Variants in NBAS observed in about 807,000 individuals in gnomAD.
The protein encoded by NBAS is NAG/BC035112 fusion.
Under a neutral mutation model 302.5 loss-of-function variants are expected in NBAS, and 219 were observed. The ratio of observed to expected loss-of-function variants is 0.72; its 90% confidence interval spans 0.65 to 0.81. The LOEUF (loss-of-function observed/expected upper bound fraction) is 0.81, where lower values mean the gene tolerates loss of function less well. Among genes scored for constraint, NBAS ranks in the 30% least tolerant of loss-of-function variants. The pLI is 0.00. For synonymous variants in NBAS, 1,118 were observed against 1,021.6 expected (o/e 1.09, Z -1.80); for missense variants, 2,932 against 2,841.6 (o/e 1.03, Z -0.72).
chr2:15,474,308 G>T lies in NBAS; in HGVS notation c.1358C>A (p.Ala453Asp). ...FLSLECEIKLAPKRSRLETRA... is the reference protein window; with the variant it reads ...FLSLECEIKLDPKRSRLETRA... ...AGTCTCCAAACGAGATCGTTTGGGG[G>T]CAAGTTTAATCTCACACTAAATTGA... Residue 453 changes from alanine to aspartate, a missense_variant, in exon 15 of 52, where the codon GCC becomes GAC. By Grantham distance (126) the Ala-to-Asp change is moderately radical. Coordinates refer to ENST00000281513, the MANE Select transcript of NBAS (RefSeq NM_015909.4). 6.2e-7 allele frequency: 1 copy of T among 1,612,868 alleles called. No homozygotes were observed. Among genetic ancestry groups the T allele is most frequent in the Non-Finnish European group, 8.5e-7 (1 of 1,179,302 alleles).
chr2:15,241,532 G>C (rs563562347), intron 44 of NBAS, among the ~76,000 whole-genome samples: 1 of 152,272 alleles, frequency 6.6e-6, no homozygotes, highest in East Asian at 1.9e-4. Flanking sequence ...TTTACTACTG[G>C]TGTGACTTTA....
chr2:14,854,076 AAAT>A, the NBAS span, among the ~76,000 whole-genome samples: 9 of 148,190 alleles, frequency 6.1e-5, no homozygotes, highest in South Asian at 1.1e-3. Flanking sequence ...GTATAATAAA[AAAT>A]AATAATAATA....
chr2:15,052,584 A>G, the NBAS span, among the ~76,000 whole-genome samples: 1 of 152,216 alleles, frequency 6.6e-6, no homozygotes, highest in African/African-American at 2.4e-5. Flanking sequence ...GCAGCATACA[A>G]CAAGAAACTA....
chr2:14,932,227 C>A, the NBAS span, among the ~76,000 whole-genome samples: 1 of 152,166 alleles, frequency 6.6e-6, no homozygotes, highest in Non-Finnish European at 1.5e-5. Context: ...CATGAACCAA[C>A]CTTTGCAATT....
At chr2:14,942,823 A>C in the NBAS span, among the ~76,000 whole-genome samples, 196 of 152,354 alleles carry the variant, frequency 1.3e-3, no homozygotes, top group African/African-American at 4.6e-3. Context: ...CAATCTGTAG[A>C]GAAAAATGAC....
the NBAS span, among the ~76,000 whole-genome samples, chr2:15,004,697 C>G: frequency 8.3e-6 from 1 of 120,596 alleles, no homozygotes; most frequent in African/African-American, 3.3e-5. Flanking sequence ...TTTGTAGAGA[C>G]AGGGTTGTGC....
At chr2:15,521,029 T>C (rs562726440) in intron 9 of NBAS, among the ~76,000 whole-genome samples, 9 of 152,398 alleles carry the variant, frequency 5.9e-5, no homozygotes, top group Non-Finnish European at 8.8e-5. Flanking sequence ...TCATCTATTA[T>C]AACCTTAACT....
At chr2:15,072,647 G>T in the NBAS span, among the ~76,000 whole-genome samples, 2 of 152,134 alleles carry the variant, frequency 1.3e-5, no homozygotes, top group African/African-American at 4.8e-5. Context: ...TATTTAAACA[G>T]TCTCAATACA....
Position 15,479,862 on chromosome 2 carries a change from C to T in NBAS, c.1084-1573G>A, listed in dbSNP as rs10190998. On this transcript the variant is annotated intron_variant, in intron 12 of 51. Transcript: ENST00000281513. The stretch of plus-strand genomic sequence containing the variant: ...TCTGTCATACTCATCCCTGTATTCC[C>T]AGATCCATCACAGTGCCCACCTGTC... Among the ~76,000 whole-genome samples the T allele has an allele frequency of 9.2e-3, 1,400 of 152,280 alleles. 15 individuals are homozygous for T. Among genetic ancestry groups the T allele is most frequent in the African/African-American group, 0.032 (1,325 of 41,562 alleles).
chr2:15,553,403 A>C lies in NBAS; in HGVS notation c.335+23T>G, dbSNP rs372743272. On this transcript the variant is annotated intron_variant, in intron 5 of 51. Coordinates refer to ENST00000281513, the MANE Select transcript of NBAS (RefSeq NM_015909.4). ...AAATATTTCTCAAAGGAAATCTTGA[A>C]TATGAATAATATTAACAATTACCTG... 4.7e-5 allele frequency: 75 copies of C among 1,581,220 alleles called. No homozygotes were observed. The African/African-American group carries it at 8.8e-4, about 18-fold the overall frequency.
the NBAS span, among the ~76,000 whole-genome samples, chr2:15,151,422 T>C: frequency 1.4e-4 from 21 of 152,326 alleles, no homozygotes; most frequent in African/African-American, 3.8e-4. Flanking sequence ...TCAATGTAAA[T>C]GAATTTATGA....
At chr2:15,332,095 G>A (rs1404864369) in intron 35 of NBAS, among the ~76,000 whole-genome samples, 2 of 152,220 alleles carry the variant, frequency 1.3e-5, no homozygotes, top group Non-Finnish European at 2.9e-5. Context: ...GCAGCCTGTA[G>A]ACACTGAGAA....
intron 35 of NBAS, among the ~76,000 whole-genome samples, chr2:15,332,113 C>G (rs906758939): frequency 1.3e-5 from 2 of 152,212 alleles, no homozygotes; most frequent in Non-Finnish European, 2.9e-5. Flanking sequence ...GAACAGCCAT[C>G]AGGCGACATC....
the NBAS span, among the ~76,000 whole-genome samples, chr2:15,138,010 C>T: frequency 2.0e-5 from 3 of 152,116 alleles, no homozygotes; most frequent in South Asian, 6.2e-4. Flanking sequence ...GCCAGCACCA[C>T]CAACAGCACT....
chr2:14,814,550 T>G, the NBAS span, among the ~76,000 whole-genome samples: 1 of 152,206 alleles, frequency 6.6e-6, no homozygotes, highest in Non-Finnish European at 1.5e-5. Context: ...TTGGCCAATT[T>G]CTCCATTTTA....
chr2:15,037,005 T>C, the NBAS span, among the ~76,000 whole-genome samples: 54 of 152,182 alleles, frequency 3.5e-4, no homozygotes, highest in Non-Finnish European at 6.5e-4. Flanking sequence ...TGGGTGGAGG[T>C]ATAGGAAGGA....
chr2:15,055,656 C>A, the NBAS span, among the ~76,000 whole-genome samples: 4 of 152,208 alleles, frequency 2.6e-5, no homozygotes, highest in East Asian at 7.7e-4. Flanking sequence ...AGCAGAGCAG[C>A]CCAATGAGGA....
intron 9 of NBAS, among the ~76,000 whole-genome samples, chr2:15,528,881 A>ATATATATATATATGTGTG (rs1558414737): frequency 4.2e-4 from 20 of 48,082 alleles, no homozygotes; most frequent in Non-Finnish European, 5.3e-4. Context: ...AAAAAAAAAT[A>ATATATATATATATGTGTG]TATATATATA....
At chr2:14,891,138 A>G in the NBAS span, among the ~76,000 whole-genome samples, 1 of 152,178 alleles carries the variant, frequency 6.6e-6, no homozygotes, top group Non-Finnish European at 1.5e-5. Flanking sequence ...TCAATTTTTC[A>G]TGGTCACTGG....
Sources: gnomAD v4.1 joint callset for allele counts (sites outside exome capture counted in the v4.1 genomes callset) on GRCh38, gnomAD v4.1.1 for gene constraint, MANE v1.5 for transcripts, NCBI Gene and HGNC (gene_info 2026-07-23, HGNC 2026-07-21) for gene names.